FOXP2: variants seen among roughly 807,000 people sequenced by gnomAD.
FOXP2 encodes the protein forkhead box protein P2.
Under a neutral mutation model 115.8 loss-of-function variants are expected in FOXP2, and 12 were observed. The observed-to-expected ratio is 0.10, with a 90% CI of 0.07 to 0.17. FOXP2 has a LOEUF of 0.17. Ranked by LOEUF, FOXP2 falls within the 10% of genes least tolerant of loss-of-function variation. The probability of loss-of-function intolerance (pLI) is 1.00; values close to 1 mark genes in which losing one functional copy is unlikely to be tolerated. For missense variants in FOXP2, 629 were observed against 843.5 expected (o/e 0.75, Z 3.15); for synonymous variants, 328 against 297.7 (o/e 1.10, Z -1.05).
At chr7:114,645,997 A>T (rs1805859705) in intron 8 of FOXP2, among the ~76,000 whole-genome samples, 1 of 148,948 alleles carries the variant, frequency 6.7e-6, no homozygotes, top group Admixed American at 6.8e-5. Context: ...TTGGGTATGA[A>T]ACTGATTATA....
intron 2 of FOXP2, among the ~76,000 whole-genome samples, chr7:114,438,597 G>A (rs902224905): frequency 4.6e-5 from 7 of 151,802 alleles, no homozygotes; most frequent in African/African-American, 7.3e-5. Context: ...TATGTGTTTC[G>A]TTAGTCAAGA....
At chr7:114,160,472 A>G (rs1320387418), upstream of FOXP2, among the ~76,000 whole-genome samples, 1 of 152,074 alleles carries the variant, frequency 6.6e-6, no homozygotes, top group African/African-American at 2.4e-5. Flanking sequence ...ACTCTACATA[A>G]TTTTGGTGAC....
intron 1 of FOXP2, among the ~76,000 whole-genome samples, chr7:114,258,351 T>A (rs751206738): frequency 1.3e-5 from 2 of 152,204 alleles, no homozygotes; most frequent in Non-Finnish European, 2.9e-5. Flanking sequence ...AATGTTCCTA[T>A]GCAAAGGAAG....
chr7:114,331,332 T>C (rs915569530), intron 2 of FOXP2, among the ~76,000 whole-genome samples: 1 of 152,196 alleles, frequency 6.6e-6, no homozygotes, highest in African/African-American at 2.4e-5. Flanking sequence ...GTTAATGTGA[T>C]AGCAATAATG....
intron 3 of FOXP2, among the ~76,000 whole-genome samples, chr7:114,587,877 T>A (rs1313196230): frequency 9.2e-5 from 4 of 43,274 alleles, no homozygotes; most frequent in East Asian, 1.7e-3. Flanking sequence ...TAAGAGATAA[T>A]TAAATCCACC....
At chr7:114,456,577 T>G (rs897731173) in intron 2 of FOXP2, among the ~76,000 whole-genome samples, 1 of 152,328 alleles carries the variant, frequency 6.6e-6, no homozygotes, top group Admixed American at 6.5e-5. Flanking sequence ...AGATTTTCAA[T>G]ACACATTTAA....
At chr7:114,166,312 A>C (rs937363749) in intron 1 of FOXP2, among the ~76,000 whole-genome samples, 2 of 152,204 alleles carry the variant, frequency 1.3e-5, no homozygotes, top group Non-Finnish European at 2.9e-5. Flanking sequence ...TAAGAGAATG[A>C]AAAGATAAGC....
chr7:114,660,329 C>T (rs1028212476), intron 13 of FOXP2, among the ~76,000 whole-genome samples: 19 of 152,142 alleles, frequency 1.2e-4, no homozygotes, highest in African/African-American at 4.1e-4. Flanking sequence ...GATAAGGGCA[C>T]TCAGCACAGA....
intron 1 of FOXP2, among the ~76,000 whole-genome samples, chr7:114,212,075 TAAATAAAATAAAATA>T (rs10607299): frequency 0.24 from 32,562 of 134,532 alleles, 4,175 homozygotes; most frequent in African/African-American, 0.29. Flanking sequence ...GTTTCAAAAA[TAAATAAAATAAAATA>T]AAATAAAATA....
intron 2 of FOXP2, among the ~76,000 whole-genome samples, chr7:114,320,087 A>G (rs916481009): frequency 1.5e-5 from 2 of 129,434 alleles, no homozygotes; most frequent in Non-Finnish European, 3.6e-5. Context: ...TCATTCCCAT[A>G]TATACTCATA....
chr7:114,237,710 A>G lies in FOXP2; in HGVS notation c.-101-50309A>G, dbSNP rs148529636. ...TATTTTAGGCAGGGCTCAGAGCCTC[A>G]CACCTCTAATCTCAGCACTTTGGGA... On this transcript the variant is annotated intron_variant, in intron 1 of 17. Transcript: ENST00000634411. Among the ~76,000 whole-genome samples the G allele has an allele frequency of 2.4e-3, 364 of 151,924 alleles. 3 individuals are homozygous for G. Among genetic ancestry groups the G allele is most frequent in the Non-Finnish European group, 2.1e-3 (144 of 67,972 alleles).
At chr7:114,110,528 T>C (rs1791241540) in intron 1 of FOXP2, among the ~76,000 whole-genome samples, 1 of 152,208 alleles carries the variant, frequency 6.6e-6, no homozygotes, top group Non-Finnish European at 1.5e-5. Flanking sequence ...TTATACTCTT[T>C]ACTATTTTTC....
intron 2 of FOXP2, among the ~76,000 whole-genome samples, chr7:114,329,374 C>G (rs938038815): frequency 3.3e-5 from 5 of 151,804 alleles, no homozygotes; most frequent in Non-Finnish European, 5.9e-5. Context: ...AAAAAATTAG[C>G]TGGGCATAGT....
chr7:114,331,968 CA>C lies in FOXP2; in HGVS notation c.-11+43860del, dbSNP rs201002612. Among the ~76,000 whole-genome samples the C allele has an allele frequency of 6.4e-3, 975 of 152,152 alleles. 8 individuals are homozygous for C. Among genetic ancestry groups the C allele is most frequent in the African/African-American group, 0.023 (942 of 41,512 alleles). On this transcript the variant is annotated intron_variant, in intron 2 of 17. Coordinates refer to the FOXP2 transcript ENST00000634411. ...GGGCTTCTGACATTTTCAGTAGTTG[CA>C]TATCAGATGTGCAACAAATGACAAC...
intron 2 of FOXP2, among the ~76,000 whole-genome samples, chr7:114,369,706 A>G (rs1449961114): frequency 6.6e-6 from 1 of 152,158 alleles, no homozygotes; most frequent in Admixed American, 6.6e-5. Flanking sequence ...TGATATGTAG[A>G]AATTTTGAAT....
chr7:114,619,418 C>T (rs1480453751), intron 3 of FOXP2, among the ~76,000 whole-genome samples: 1 of 152,050 alleles, frequency 6.6e-6, no homozygotes, highest in African/African-American at 2.4e-5. Context: ...ACTGTGTTTT[C>T]ATAGTACTGT....
At chr7:114,353,972 TA>T (rs2129186350) in intron 2 of FOXP2, among the ~76,000 whole-genome samples, 1 of 152,256 alleles carries the variant, frequency 6.6e-6, no homozygotes, top group East Asian at 1.9e-4. Flanking sequence ...AAAGACCTAG[TA>T]AAACATTATT....
chr7:114,427,902 AT>A (rs1253634122), intron 2 of FOXP2, among the ~76,000 whole-genome samples: 2 of 151,500 alleles, frequency 1.3e-5, no homozygotes, highest in Non-Finnish European at 3.0e-5. Context: ...TACAATTTTC[AT>A]TTTTTTCACA....
intron 2 of FOXP2, chr7:114,499,049 C>T (rs947477265): frequency 1.6e-6 from 1 of 608,964 alleles, no homozygotes; most frequent in African/African-American, 1.9e-5. Flanking sequence ...CCTAGACCTA[C>T]TGAATCAGAA....
Sources: allele counts gnomAD v4.1 joint callset (sites outside exome capture counted in the v4.1 genomes callset), GRCh38; gene constraint gnomAD v4.1.1; transcripts MANE v1.5; gene names NCBI Gene and HGNC (gene_info 2026-07-23, HGNC 2026-07-21).